VWC2: variants seen among roughly 807,000 people sequenced by gnomAD.
VWC2 encodes the protein brorin.
A neutral mutation model predicts 29.8 loss-of-function variants in VWC2; 14 were observed. That is an observed-to-expected ratio of 0.47 (90% CI 0.31 to 0.74). The LOEUF (loss-of-function observed/expected upper bound fraction) is 0.74, where lower values mean the gene tolerates loss of function less well. Ranked by LOEUF, VWC2 falls within the 30% of genes least tolerant of loss-of-function variation. The probability of loss-of-function intolerance (pLI) is 0.05; values close to 1 mark genes in which losing one functional copy is unlikely to be tolerated. For synonymous variants in VWC2, 213 were observed against 199.0 expected, an observed-to-expected ratio of 1.07 and a Z score of -0.59; for missense variants, 457 against 459.8, an observed-to-expected ratio of 0.99 and a Z score of 0.05.
chr7:49,795,045 T>A (rs138754416), intron 2 of VWC2, among the ~76,000 whole-genome samples: 37 of 152,242 alleles, frequency 2.4e-4, no homozygotes, highest in Admixed American at 7.8e-4. Flanking sequence ...TTGAGGTGAG[T>A]GACTCGTGTA....
At chr7:49,813,103 T>C (rs1789051090) in intron 3 of VWC2, among the ~76,000 whole-genome samples, 1 of 152,182 alleles carries the variant, frequency 6.6e-6, no homozygotes, top group South Asian at 2.1e-4. Flanking sequence ...AATACCCTCT[T>C]TCTCCTTCAA....
intron 3 of VWC2, among the ~76,000 whole-genome samples, chr7:49,896,196 TCAGGTTTGGTGGTGCATGC>T (rs1792375565): frequency 2.6e-5 from 4 of 152,054 alleles, no homozygotes; most frequent in African/African-American, 9.6e-5. Flanking sequence ...CAAAAATTAG[TCAGGTTTGGTGGTGCATGC>T]CTGTAGTCCC....
chr7:49,814,834 C>T (rs976782436), intron 3 of VWC2, among the ~76,000 whole-genome samples: 3 of 152,208 alleles, frequency 2.0e-5, no homozygotes, highest in Admixed American at 6.5e-5. Flanking sequence ...CCCATCTCTG[C>T]TTCTCTTTAA....
chr7:49,797,639 C>T (rs1007686157), intron 2 of VWC2, among the ~76,000 whole-genome samples: 5 of 152,254 alleles, frequency 3.3e-5, no homozygotes, highest in African/African-American at 1.2e-4. Flanking sequence ...CTGCTGTTAT[C>T]TGTATTCTCA....
chr7:49,840,616 T>A (rs1196501819), intron 3 of VWC2, among the ~76,000 whole-genome samples: 1 of 152,186 alleles, frequency 6.6e-6, no homozygotes, highest in African/African-American at 2.4e-5. Context: ...CTGATTCTAT[T>A]TTGTGAGCAT....
chr7:49,868,037 T>C (rs1790987698), intron 3 of VWC2, among the ~76,000 whole-genome samples: 1 of 152,140 alleles, frequency 6.6e-6, no homozygotes, highest in Non-Finnish European at 1.5e-5. Flanking sequence ...TTTCACCATA[T>C]TGACCAGGCT....
At chr7:49,806,482 A>C (rs1251744616) in intron 3 of VWC2, among the ~76,000 whole-genome samples, 3 of 152,180 alleles carry the variant, frequency 2.0e-5, no homozygotes, top group African/African-American at 7.2e-5. Flanking sequence ...CCACCTGATG[A>C]TTATTATTTG....
At chr7:49,836,733 G>A (rs949667351) in intron 3 of VWC2, among the ~76,000 whole-genome samples, 4 of 151,828 alleles carry the variant, frequency 2.6e-5, no homozygotes, top group Non-Finnish European at 5.9e-5. Flanking sequence ...TCTTTCTTGA[G>A]GCCTAGAAAA....
chr7:49,831,649 G>A (rs1162204175), intron 3 of VWC2, among the ~76,000 whole-genome samples: 1 of 152,098 alleles, frequency 6.6e-6, no homozygotes, highest in Admixed American at 6.5e-5. Context: ...GAGGTGGGAG[G>A]GCAAAGGCTC....
At chr7:49,800,606 GC>G (rs1788715624) in intron 2 of VWC2, among the ~76,000 whole-genome samples, 1 of 152,046 alleles carries the variant, frequency 6.6e-6, no homozygotes. Flanking sequence ...CACCACCTGG[GC>G]TTGAGGGCTT....
chr7:49,775,002 G>C (rs1366550184), intron 1 of VWC2, among the ~76,000 whole-genome samples: 1 of 152,190 alleles, frequency 6.6e-6, no homozygotes, highest in Admixed American at 6.5e-5. Context: ...CCTGAATTAC[G>C]TGGTTCAAGG....
intron 3 of VWC2, among the ~76,000 whole-genome samples, chr7:49,845,858 T>A (rs1444432386): frequency 6.6e-6 from 1 of 151,910 alleles, no homozygotes; most frequent in East Asian, 1.9e-4. Flanking sequence ...GAAGAGCGAG[T>A]GAGTTAGTGT....
rs556581709 is a variant in VWC2 at position 49,835,216 on chromosome 7, C to T, written c.826+32376C>T. On this transcript the variant is annotated intron_variant, in intron 3 of 3. Coordinates refer to ENST00000340652, the MANE Select transcript of VWC2 (RefSeq NM_198570.5). ...CATATGGCATTTTATGGCTACTGGA[C>T]ATCAGTTAGTCCAGAGCCCACCTAG... 3.9e-5 allele frequency among the ~76,000 whole-genome samples: 6 copies of T among 152,282 alleles called. 1 individual carries two copies. The South Asian group carries it at 1.0e-3, about 26-fold the overall frequency.
chr7:49,839,647 C>G (rs1276618007), intron 3 of VWC2, among the ~76,000 whole-genome samples: 1 of 151,816 alleles, frequency 6.6e-6, no homozygotes, highest in Non-Finnish European at 1.5e-5. Flanking sequence ...TGCCAGAGAT[C>G]TCTCATGTGG....
intron 3 of VWC2, among the ~76,000 whole-genome samples, chr7:49,836,003 G>C (rs1013186029): frequency 6.6e-5 from 10 of 152,052 alleles, no homozygotes; most frequent in Non-Finnish European, 1.3e-4. Context: ...TTGATTCCTA[G>C]GCATTAAATC....
intron 3 of VWC2, among the ~76,000 whole-genome samples, chr7:49,879,625 A>G (rs1055443829): frequency 1.3e-5 from 2 of 152,102 alleles, no homozygotes; most frequent in African/African-American, 4.8e-5. Flanking sequence ...TTCACAGGCA[A>G]CTCTGTCCCA....
chr7:49,803,721 G>A (rs1370737322), intron 3 of VWC2, among the ~76,000 whole-genome samples: 1 of 152,202 alleles, frequency 6.6e-6, no homozygotes, highest in African/African-American at 2.4e-5. Context: ...GTGTGGCATG[G>A]GTTTGGTATG....
In VWC2 at chr7:49,912,654, GA is replaced by G. The variant is rs1407502504; in HGVS notation, c.*470del. On this transcript the variant is annotated 3_prime_UTR_variant, in exon 4 of 4. Transcript: ENST00000340652. ...GCATGAATGGATCATAAGATATTAGGACCAATTTCCACTGAAACCCTGTTTA... is the reference window on the plus strand; with the variant it reads ...GCATGAATGGATCATAAGATATTAGGCCAATTTCCACTGAAACCCTGTTTA... The G allele has an allele frequency of 6.6e-6, 1 of 152,654 alleles. No individual in the cohort carries two copies. Among genetic ancestry groups the G allele is most frequent in the East Asian group, 1.9e-4 (1 of 5,178 alleles). 9.5% of individuals were successfully genotyped at this position (152,654 alleles called of 1,614,324 possible). A position where few individuals can be genotyped will look rare whatever the true frequency, so the allele number is the denominator to read the frequency against.
chr7:49,863,689 C>T (rs1015124975), intron 3 of VWC2, among the ~76,000 whole-genome samples: 13 of 152,154 alleles, frequency 8.5e-5, no homozygotes, highest in Admixed American at 4.6e-4. Flanking sequence ...CCTCAGCCTC[C>T]GAAAGTGCTG....
Sources: gnomAD v4.1 joint callset for allele counts (sites outside exome capture counted in the v4.1 genomes callset) on GRCh38, gnomAD v4.1.1 for gene constraint, MANE v1.5 for transcripts, NCBI Gene and HGNC (gene_info 2026-07-23, HGNC 2026-07-21) for gene names.